The following CTNNA3 variants were observed in gnomAD, a reference collection of about 807,000 sequenced individuals.
The protein encoded by CTNNA3 is catenin alpha-3.
A neutral mutation model predicts 95.7 loss-of-function variants in CTNNA3; 76 were observed. The observed-to-expected ratio is 0.79, with a 90% CI of 0.66 to 0.96. The LOEUF (loss-of-function observed/expected upper bound fraction) is 0.96. CTNNA3 is among the 40% of genes least tolerant of loss of function. The probability of loss-of-function intolerance (pLI) is 0.00; values close to 1 mark genes in which losing one functional copy is unlikely to be tolerated. For missense variants in CTNNA3, 1,191 were observed against 1,089.8 expected, an observed-to-expected ratio of 1.09 and a Z score of -1.31; for synonymous variants, 431 against 374.4, an observed-to-expected ratio of 1.15 and a Z score of -1.74.
chr10:66,926,501 A>G lies in CTNNA3; in HGVS notation c.1048-150977T>C. The G allele has an allele frequency of 2.0e-6, 3 of 1,524,576 alleles. 1 individual carries two copies. In the Middle Eastern group the frequency reaches 5.2e-4, roughly 262 times the overall value. 94.4% of individuals were successfully genotyped at this position (1,524,576 alleles called of 1,614,324 possible). On this transcript the variant is annotated intron_variant, in intron 7 of 17. Transcript: ENST00000433211. ...GTGTCAGCGAGCCCTGACTCACTAC[A>G]GTGCAGCTGACAGGGGCTGTCATGC... is the stretch of plus-strand genomic sequence containing the variant.
chr10:66,208,752 C>A (rs1399090866), intron 13 of CTNNA3, among the ~76,000 whole-genome samples: 2 of 151,918 alleles, frequency 1.3e-5, no homozygotes, highest in Non-Finnish European at 2.9e-5. Flanking sequence ...TTAAACATGA[C>A]GACCACCACC....
intron 12 of CTNNA3, among the ~76,000 whole-genome samples, chr10:66,293,064 G>T (rs1564844111): frequency 6.6e-6 from 1 of 152,004 alleles, no homozygotes; most frequent in Non-Finnish European, 1.5e-5. Context: ...AAGTTTTGAT[G>T]ATCACAAAAC....
intron 9 of CTNNA3, among the ~76,000 whole-genome samples, chr10:66,643,911 A>C (rs984769712): frequency 6.6e-6 from 1 of 152,184 alleles, no homozygotes; most frequent in African/African-American, 2.4e-5. Flanking sequence ...TAACAGCTCT[A>C]GTAGAGAACA....
At chr10:66,551,169 C>A (rs926888304) in intron 10 of CTNNA3, among the ~76,000 whole-genome samples, 2 of 152,110 alleles carry the variant, frequency 1.3e-5, no homozygotes, top group South Asian at 2.1e-4. Flanking sequence ...CGGGGCAGAT[C>A]TGGAAGGTAA....
At chr10:67,370,128 C>T (rs1843365257) in intron 5 of CTNNA3, among the ~76,000 whole-genome samples, 1 of 152,068 alleles carries the variant, frequency 6.6e-6, no homozygotes, top group African/African-American at 2.4e-5. Context: ...AAATGTCCAT[C>T]AATAAAGGAC....
intron 7 of CTNNA3, among the ~76,000 whole-genome samples, chr10:67,076,940 T>C (rs2131865609): frequency 6.6e-6 from 1 of 152,274 alleles, no homozygotes; most frequent in Middle Eastern, 3.4e-3. Flanking sequence ...TGTCAAAATC[T>C]CCTCGTCTTT....
At chr10:66,568,167 G>A (rs1842769362) in intron 10 of CTNNA3, among the ~76,000 whole-genome samples, 4 of 152,118 alleles carry the variant, frequency 2.6e-5, no homozygotes, top group Admixed American at 2.6e-4. Context: ...AAGAAGTGAT[G>A]CTTGACATTT....
chr10:66,575,351 G>A (rs1842975593), intron 10 of CTNNA3, among the ~76,000 whole-genome samples: 1 of 152,100 alleles, frequency 6.6e-6, no homozygotes, highest in Non-Finnish European at 1.5e-5. Context: ...CCATGTCTGT[G>A]TACCTTTAAA....
chr10:67,267,320 G>A (rs1320780116), intron 5 of CTNNA3, among the ~76,000 whole-genome samples: 2 of 151,786 alleles, frequency 1.3e-5, no homozygotes, highest in African/African-American at 2.4e-5. Flanking sequence ...AAGAAGTTCT[G>A]TGTGTGTGTG....
intron 11 of CTNNA3, among the ~76,000 whole-genome samples, chr10:66,409,103 A>G (rs2093079905): frequency 1.3e-5 from 2 of 152,170 alleles, no homozygotes. Flanking sequence ...GGTATTCTAC[A>G]TATCTCTCAT....
intron 3 of CTNNA3, among the ~76,000 whole-genome samples, chr10:67,599,572 T>C (rs1293601421): frequency 2.6e-5 from 4 of 150,988 alleles, no homozygotes; most frequent in African/African-American, 9.7e-5. Flanking sequence ...GGAACTAAAG[T>C]AAAAAAAAAG....
Position 67,260,845 on chromosome 10 carries a change from C to T in CTNNA3, c.580-40975G>A, listed in dbSNP as rs146488858. On this transcript the variant is annotated intron_variant, in intron 5 of 17. Coordinates refer to ENST00000433211, the MANE Select transcript of CTNNA3 (RefSeq NM_013266.4). ...GATTACAGGCATGTGCCACCACACC[C>T]GGCTAATTTTTTTATTTTTAGTAGA... Among the ~76,000 whole-genome samples the T allele has an allele frequency of 8.2e-3, 1,241 of 152,062 alleles. 20 individuals are homozygous for T. Among genetic ancestry groups the T allele is most frequent in the African/African-American group, 0.028 (1,156 of 41,490 alleles).
intron 1 of CTNNA3, among the ~76,000 whole-genome samples, chr10:67,672,077 T>C (rs1199361745): frequency 6.6e-6 from 1 of 152,182 alleles, no homozygotes; most frequent in East Asian, 1.9e-4. Context: ...TGGTATCTCA[T>C]TGTGGTTTTG....
At chr10:67,206,712 G>A (rs191950993) in intron 6 of CTNNA3, among the ~76,000 whole-genome samples, 2 of 149,818 alleles carry the variant, frequency 1.3e-5, no homozygotes, top group Admixed American at 6.6e-5. Flanking sequence ...CAGGCTTCTA[G>A]AGCCTGCACC....
At chr10:66,658,780 G>C (rs1846155350) in intron 9 of CTNNA3, among the ~76,000 whole-genome samples, 1 of 152,118 alleles carries the variant, frequency 6.6e-6, no homozygotes, top group African/African-American at 2.4e-5. Flanking sequence ...TGCAACCTGT[G>C]CCTCACGGGT....
chr10:67,170,336 C>G (rs1861962335), intron 7 of CTNNA3, among the ~76,000 whole-genome samples: 2 of 152,178 alleles, frequency 1.3e-5, no homozygotes, highest in Admixed American at 1.3e-4. Flanking sequence ...TTCATTGCAG[C>G]ATGATTCACA....
At chr10:66,163,836 C>T (rs1471546602) in intron 13 of CTNNA3, among the ~76,000 whole-genome samples, 1 of 152,046 alleles carries the variant, frequency 6.6e-6, no homozygotes, top group Non-Finnish European at 1.5e-5. Context: ...ATCTATGGTG[C>T]AATAATAGCA....
chr10:67,133,012 A>G (rs1860098555), intron 7 of CTNNA3, among the ~76,000 whole-genome samples: 1 of 151,952 alleles, frequency 6.6e-6, no homozygotes, highest in African/African-American at 2.4e-5. Flanking sequence ...ATAGCAGACT[A>G]CAGTGACTAT....
At chr10:67,387,806 A>G (rs1247115300) in intron 5 of CTNNA3, among the ~76,000 whole-genome samples, 1 of 152,164 alleles carries the variant, frequency 6.6e-6, no homozygotes, top group East Asian at 1.9e-4. Context: ...GCACACTGAC[A>G]CCTCACATGG....
Sources: gnomAD v4.1 joint callset for allele counts (sites outside exome capture counted in the v4.1 genomes callset) on GRCh38, gnomAD v4.1.1 for gene constraint, MANE v1.5 for transcripts, NCBI Gene and HGNC (gene_info 2026-07-23, HGNC 2026-07-21) for gene names.